The following CLEC4D variants were observed in gnomAD, a reference collection of about 807,000 sequenced individuals.
CLEC4D encodes the protein C-type (calcium dependent, carbohydrate-recognition domain) lectin, superfamily member 8.
Under a neutral mutation model 21.1 loss-of-function variants are expected in CLEC4D, and 21 were observed. The observed-to-expected ratio is 1.00, with a 90% CI of 0.71 to 1.43. The LOEUF (loss-of-function observed/expected upper bound fraction) is 1.43, where lower values mean the gene tolerates loss of function less well. Ranked by LOEUF, CLEC4D falls within the 40% of genes most tolerant of loss-of-function variation. CLEC4D has a pLI of 0.00. For synonymous variants in CLEC4D, 85 were observed against 83.1 expected, an observed-to-expected ratio of 1.02 and a Z score of -0.12; for missense variants, 289 against 260.7, an observed-to-expected ratio of 1.11 and a Z score of -0.75.
intron 4 of CLEC4D, 108 bp downstream of exon 4, chr12:8,519,268 C>T (rs951191185): frequency 1.7e-5 from 24 of 1,402,520 alleles, no homozygotes; most frequent in Non-Finnish European, 2.2e-5. Context: ...TCTGCTCCAT[C>T]TGCCTGGAAA....
chr12:8,530,058 T>C, the CLEC4D span, among the ~76,000 whole-genome samples: 2 of 152,336 alleles, frequency 1.3e-5, no homozygotes, highest in Admixed American at 1.3e-4. Flanking sequence ...GTACATAGTG[T>C]GCAAATCTAT....
chr12:8,516,810 A>G (rs1940388151), intron 2 of CLEC4D, among the ~76,000 whole-genome samples: 1 of 152,282 alleles, frequency 6.6e-6, no homozygotes, highest in Non-Finnish European at 1.5e-5. Flanking sequence ...TCAGAAGAGC[A>G]TAGTTCACAG....
intron 1 of CLEC4D, among the ~76,000 whole-genome samples, 156 bp downstream of exon 1, chr12:8,513,916 G>A (rs1940341839): frequency 6.6e-6 from 1 of 152,032 alleles, no homozygotes; most frequent in Non-Finnish European, 1.5e-5. Flanking sequence ...GAAGGACATA[G>A]AGTCAAATAA....
At chr12:8,524,791 A>G (rs1940494739), downstream of CLEC4D, among the ~76,000 whole-genome samples, 1 of 152,090 alleles carries the variant, frequency 6.6e-6, no homozygotes, top group African/African-American at 2.4e-5. Context: ...TTGTGATGTT[A>G]CAGTGTCAAT....
downstream of CLEC4D, among the ~76,000 whole-genome samples, chr12:8,523,732 A>G (rs917038271): frequency 2.0e-5 from 3 of 152,288 alleles, no homozygotes. Context: ...TTTCAGTACT[A>G]TGTTGAATAG....
At position 8,521,197 on chromosome 12, in the gene CLEC4D, T is replaced by C; in HGVS notation, c.574T>C (p.Trp192Arg). The C allele has an allele frequency of 6.2e-7, 1 of 1,613,688 alleles. No individual in the cohort carries two copies. The highest frequency in any genetic ancestry group is 8.5e-7 in the Non-Finnish European group (1 of 1,179,712). Residue 192 changes from tryptophan (W) to arginine (R), a missense_variant, in exon 6 of 6, where the codon TGG becomes CGG. Trp to Arg is a moderately radical substitution (Grantham distance 101, BLOSUM62 -3). Transcript: ENST00000299665. The part of the protein sequence containing the change: ...CVVLVYNQDK[W>R]AWNDVPCNFE... ...TGTTCTTGTTTATAACCAAGATAAA[T>C]GGGCCTGGAATGATGTTCCTTGTAA...
At chr12:8,530,548 A>G in the CLEC4D span, among the ~76,000 whole-genome samples, 3 of 151,348 alleles carry the variant, frequency 2.0e-5, no homozygotes, top group East Asian at 5.8e-4. Flanking sequence ...TATCATTTTG[A>G]CATGTAATCC....
rs1330808811 is a variant in CLEC4D, at chr12:8,522,088, C to T, written c.*817C>T. The T allele has an allele frequency of 6.6e-6, 1 of 152,084 alleles. No homozygotes were observed. Among genetic ancestry groups the T allele is most frequent in the Non-Finnish European group, 1.5e-5 (1 of 67,976 alleles). The allele number at this position is 152,084 out of a possible 1,614,324, so 9.4% of individuals were successfully genotyped here. On this transcript the variant is annotated 3_prime_UTR_variant, in exon 6 of 6. Coordinates refer to ENST00000299665, the MANE Select transcript of CLEC4D (RefSeq NM_080387.5). ...TCACAGGAAGTTACTGGGGATTACT[C>T]GACCTCATTACTTAGCTAACGACTG...
At chr12:8,515,764 C>T (rs1023008071) in intron 2 of CLEC4D, among the ~76,000 whole-genome samples, 15 of 151,704 alleles carry the variant, frequency 9.9e-5, no homozygotes, top group Admixed American at 9.2e-4. Flanking sequence ...TATTGATGTA[C>T]GATTGACATA....
intron 3 of CLEC4D, 80 bp from the exon 4 acceptor site, chr12:8,518,929 T>G (rs1940419465): frequency 1.3e-6 from 2 of 1,514,248 alleles, no homozygotes; most frequent in African/African-American, 2.8e-5. Context: ...TAATTGGATA[T>G]AGGTAGTAGA....
the CLEC4D span, among the ~76,000 whole-genome samples, chr12:8,530,787 A>C: frequency 6.6e-6 from 1 of 152,238 alleles, no homozygotes; most frequent in Non-Finnish European, 1.5e-5. Context: ...AAAGTTAAAC[A>C]GTGTTTCTGG....
chr12:8,514,241 C>T (rs1940346181), intron 1 of CLEC4D, among the ~76,000 whole-genome samples: 1 of 151,944 alleles, frequency 6.6e-6, no homozygotes, highest in Admixed American at 6.5e-5. Context: ...TATCTCATCA[C>T]CCTACCATGG....
chr12:8,514,957 T>TA (rs1343084739), intron 1 of CLEC4D, among the ~76,000 whole-genome samples: 4 of 152,148 alleles, frequency 2.6e-5, no homozygotes, highest in African/African-American at 7.2e-5. Flanking sequence ...TTTTAATTTT[T>TA]ATGTACTCAA....
At position 8,519,045 on chromosome 12, in the gene CLEC4D, C is replaced by A; in HGVS notation, c.269C>A (p.Ala90Asp). 6.2e-7 allele frequency: 1 copy of A among 1,614,082 alleles called. No homozygotes were observed. Among genetic ancestry groups the A allele is most frequent in the Non-Finnish European group, 8.5e-7 (1 of 1,179,986 alleles). ...TWNCCPIDWR[A>D]FQSNCYFPLT... ...AACTGTTGTCCTATTGACTGGAGAG[C>A]CTTCCAGTCCAACTGCTATTTTCCT... The change falls in exon 4 of 6, where the codon GCC (alanine) becomes GAC (aspartate). Residue 90 changes from alanine to aspartate, a missense_variant. By Grantham distance (126) the Ala-to-Asp change is moderately radical (BLOSUM62 -2). Transcript: ENST00000299665.
rs966589340 is a variant in CLEC4D, at chr12:8,520,220, A to T, written c.385-6A>T. 1.9e-6 allele frequency: 3 copies of T among 1,613,406 alleles called. No individual in the cohort carries two copies. The highest frequency in any genetic ancestry group is 1.7e-6 in the Non-Finnish European group (2 of 1,179,498). On this transcript the variant is annotated splice_polypyrimidine_tract_variant and splice_region_variant and intron_variant, in intron 4 of 5. Transcript: ENST00000299665. ...CAACTATATTAAAATTTACATTTTT[A>T]TGCAGAACTTTATTATTCAGTTTCT...
chr12:8,522,788 T>C (rs1283321152), downstream of CLEC4D, among the ~76,000 whole-genome samples: 1 of 152,226 alleles, frequency 6.6e-6, no homozygotes, highest in Non-Finnish European at 1.5e-5. Context: ...GTGTCCTGAA[T>C]GGTATTACCT....
rs979719130 is a variant in CLEC4D at position 8,522,075 on chromosome 12, A to G, written c.*804A>G. Reference sequence around the variant, plus strand: ...ATTCCCTTTGGTATCACAGGAAGTTACTGGGGATTACTCGACCTCATTACT... The same window carrying G: ...ATTCCCTTTGGTATCACAGGAAGTTGCTGGGGATTACTCGACCTCATTACT... On this transcript the variant is annotated 3_prime_UTR_variant, in exon 6 of 6. Coordinates refer to ENST00000299665, the MANE Select transcript of CLEC4D (RefSeq NM_080387.5). The G allele has an allele frequency of 6.6e-5, 10 of 152,182 alleles. No individual in the cohort carries two copies. Among genetic ancestry groups the G allele is most frequent in the African/African-American group, 2.4e-4 (10 of 41,466 alleles). The allele number at this position is 152,182 out of a possible 1,614,324, so 9.4% of individuals were successfully genotyped here.
At chr12:8,530,239 G>C in the CLEC4D span, among the ~76,000 whole-genome samples, 1 of 152,274 alleles carries the variant, frequency 6.6e-6, no homozygotes, top group South Asian at 2.1e-4. Context: ...TAAGCCATTA[G>C]AAGCATTTTC....
the CLEC4D span, among the ~76,000 whole-genome samples, chr12:8,531,359 G>A: frequency 6.6e-6 from 1 of 152,206 alleles, no homozygotes; most frequent in Non-Finnish European, 1.5e-5. Context: ...AAACGGAAAG[G>A]TAGAAAAGGG....
Sources: gnomAD v4.1 joint callset for allele counts (sites outside exome capture counted in the v4.1 genomes callset) on GRCh38, gnomAD v4.1.1 for gene constraint, MANE v1.5 for transcripts, NCBI Gene and HGNC (gene_info 2026-07-23, HGNC 2026-07-21) for gene names.